ARHGAP20: variants seen among roughly 807,000 people sequenced by gnomAD.
The protein encoded by ARHGAP20 is Rho GTPase activating protein 20.
A neutral mutation model predicts 73.7 loss-of-function variants in ARHGAP20; 34 were observed. The observed-to-expected ratio is 0.46, with a 90% CI of 0.35 to 0.61. The LOEUF (loss-of-function observed/expected upper bound fraction) is 0.61. Ranked by LOEUF, ARHGAP20 falls within the 20% of genes least tolerant of loss-of-function variation. The pLI is 0.00. For missense variants in ARHGAP20, 1,314 were observed against 1,420.9 expected (o/e 0.92, Z 1.21); for synonymous variants, 523 against 518.2 (o/e 1.01, Z -0.13).
chr11:110,591,790 A>G (rs1033036629), intron 10 of ARHGAP20, among the ~76,000 whole-genome samples, 187 bp downstream of exon 10: 1 of 152,192 alleles, frequency 6.6e-6, no homozygotes, highest in African/African-American at 2.4e-5. Context: ...ATTTCTTCCC[A>G]TTATGTCTTC....
At chr11:110,711,681 C>T in intron 1 of ARHGAP20, 1 of 1,458,316 alleles carries the variant, frequency 6.9e-7, no homozygotes, top group Non-Finnish European at 9.0e-7. Flanking sequence ...GGCTGCCGCT[C>T]CCGGGCAGAC....
At chr11:110,606,810 T>C (rs1948243001) in intron 8 of ARHGAP20, 61 bp from the exon 9 acceptor site, 1 of 1,383,728 alleles carries the variant, frequency 7.2e-7, no homozygotes. Flanking sequence ...GCATGTGTAC[T>C]GCAAAATAGG....
intron 2 of ARHGAP20, among the ~76,000 whole-genome samples, chr11:110,657,827 G>A (rs187721754): frequency 2.7e-5 from 4 of 149,596 alleles, no homozygotes; most frequent in Non-Finnish European, 4.5e-5. Flanking sequence ...CCCAGGAAGC[G>A]GAGGTTGCAG....
At chr11:110,657,514 C>T (rs79267611) in intron 2 of ARHGAP20, among the ~76,000 whole-genome samples, 3,223 of 152,034 alleles carry the variant, frequency 0.021, 50 homozygotes, top group Middle Eastern at 0.037. Flanking sequence ...AAGGCATAAG[C>T]TGAACTGACC....
intron 8 of ARHGAP20, among the ~76,000 whole-genome samples, chr11:110,608,227 G>GTCA: frequency 6.6e-6 from 1 of 152,236 alleles, no homozygotes; most frequent in South Asian, 2.1e-4. Context: ...AACAGAAATT[G>GTCA]TCATCATCAT....
chr11:110,679,146 G>A (rs1949989530), intron 2 of ARHGAP20, among the ~76,000 whole-genome samples: 1 of 152,158 alleles, frequency 6.6e-6, no homozygotes, highest in Admixed American at 6.5e-5. Context: ...GGCTATTAGA[G>A]CCTTCAGTTT....
At chr11:110,649,439 G>A (rs1190972815) in intron 2 of ARHGAP20, among the ~76,000 whole-genome samples, 2 of 152,038 alleles carry the variant, frequency 1.3e-5, no homozygotes, top group Non-Finnish European at 2.9e-5. Flanking sequence ...CCATCAATAT[G>A]TATTGAAAAC....
intron 3 of ARHGAP20, 147 bp from the exon 4 acceptor site, chr11:110,624,458 G>A (rs368949596): frequency 6.9e-5 from 34 of 494,908 alleles, no homozygotes; most frequent in East Asian, 4.4e-4. Context: ...AGTGAGAGCT[G>A]AACATTGAGA....
At chr11:110,649,197 A>C (rs1165630544) in intron 2 of ARHGAP20, among the ~76,000 whole-genome samples, 1 of 146,556 alleles carries the variant, frequency 6.8e-6, no homozygotes, top group Non-Finnish European at 1.5e-5. Flanking sequence ...TCCAATTATT[A>C]AACCTTTTTT....
At chr11:110,698,933 G>A (rs1950390654) in intron 1 of ARHGAP20, among the ~76,000 whole-genome samples, 1 of 151,184 alleles carries the variant, frequency 6.6e-6, no homozygotes, top group African/African-American at 2.4e-5. Flanking sequence ...TTTAATCCTT[G>A]TTATTTCTTT....
chr11:110,595,228 T>C, intron 9 of ARHGAP20, among the ~76,000 whole-genome samples: 1 of 152,138 alleles, frequency 6.6e-6, no homozygotes, highest in East Asian at 1.9e-4. Flanking sequence ...CTTTGAAAAC[T>C]GGCACAAGAC....
At chr11:110,668,904 C>A (rs571842403) in intron 2 of ARHGAP20, among the ~76,000 whole-genome samples, 1 of 152,196 alleles carries the variant, frequency 6.6e-6, no homozygotes, top group African/African-American at 2.4e-5. Flanking sequence ...GATGCTGGAA[C>A]AACTGAATAG....
Position 110,586,270 on chromosome 11 carries a change from C to A in ARHGAP20, c.1361G>T (p.Trp454Leu). Residue 454 changes from tryptophan (W) to leucine (L), a missense_variant, in exon 12 of 15, where the codon TGG becomes TTG. Physicochemically the swap from Trp to Leu is moderately conservative, Grantham distance 61. Around this residue, in one of 3 missense-constraint regions of ARHGAP20, gnomAD observed 230 missense variants for 317.6 expected, o/e 0.72. Coordinates refer to ENST00000683387, the MANE Select transcript of ARHGAP20 (RefSeq NM_001384657.1). ...SIFSSDLYDH[W>L]VSVMDQGNDE... is the part of the protein sequence containing the mutation. ...ATTTCCTTGATCCATTACAGAGACCCAGTGATCATAGAGATCTGATGAAAA... is the reference window on the plus strand; with the variant it reads ...ATTTCCTTGATCCATTACAGAGACCAAGTGATCATAGAGATCTGATGAAAA... 1 of 1,575,314 alleles carries A rather than the reference C, an allele frequency of 6.3e-7. No homozygotes were observed. The highest frequency in any genetic ancestry group is 8.6e-7 in the Non-Finnish European group (1 of 1,160,028).
At chr11:110,701,496 G>A (rs1950451733) in intron 1 of ARHGAP20, among the ~76,000 whole-genome samples, 1 of 151,050 alleles carries the variant, frequency 6.6e-6, no homozygotes, top group Admixed American at 6.6e-5. Context: ...TTTGTCAGAT[G>A]AGTAGGTTGC....
Position 110,606,651 on chromosome 11 carries a change from C to G in ARHGAP20, c.874G>C (p.Glu292Gln), listed in dbSNP as rs779365578. The G allele has an allele frequency of 3.1e-6, 5 of 1,610,340 alleles. No individual in the cohort carries two copies. Among genetic ancestry groups the G allele is most frequent in the Non-Finnish European group, 4.2e-6 (5 of 1,179,006 alleles). The change falls in exon 9 of 15, where the codon GAG becomes CAG. Residue 292 changes from glutamate to glutamine, a missense_variant. Physicochemically the swap from Glu to Gln is conservative, Grantham distance 29. Coordinates refer to ENST00000683387, the MANE Select transcript of ARHGAP20 (RefSeq NM_001384657.1). ...KDSTTPFNLQ[E>Q]PFLMEQLPRE... ...GGGAGCTGTTCCATAAGGAAGGGCT[C>G]CTGGAGGTTGAAAGGGGTGGTAGAG...
intron 4 of ARHGAP20, among the ~76,000 whole-genome samples, chr11:110,618,435 T>C (rs1334749980): frequency 1.3e-5 from 2 of 152,256 alleles, no homozygotes; most frequent in East Asian, 1.9e-4. Context: ...TTATAGACCA[T>C]TGTCAGATTC....
chr11:110,694,747 C>G (rs1018827001), intron 1 of ARHGAP20, among the ~76,000 whole-genome samples: 8 of 151,558 alleles, frequency 5.3e-5, no homozygotes, highest in African/African-American at 1.7e-4. Context: ...CTTCCTTCAA[C>G]AATTTTTTAC....
intron 2 of ARHGAP20, among the ~76,000 whole-genome samples, chr11:110,663,930 G>T (rs1009941924): frequency 6.6e-6 from 1 of 152,106 alleles, no homozygotes; most frequent in Non-Finnish European, 1.5e-5. Context: ...TCCCAAGAAT[G>T]CAGTCATTTT....
intron 1 of ARHGAP20, among the ~76,000 whole-genome samples, chr11:110,704,747 A>G (rs1346705585): frequency 3.3e-5 from 5 of 152,140 alleles, no homozygotes; most frequent in Admixed American, 6.5e-5. Context: ...CAAATTGAGC[A>G]TTCTCTCTGC....
Sources: allele counts gnomAD v4.1 joint callset (sites outside exome capture counted in the v4.1 genomes callset), GRCh38; gene constraint gnomAD v4.1.1; regional missense constraint gnomAD v4.1.1; transcripts MANE v1.5; gene names NCBI Gene and HGNC (gene_info 2026-07-23, HGNC 2026-07-21).